Variants in NRG3 observed in about 807,000 individuals in gnomAD.
NRG3 encodes the protein pro-neuregulin-3, membrane-bound isoform.
In NRG3, 31 loss-of-function variants were observed where a neutral mutation model predicts 66.9. The observed-to-expected ratio is 0.46, with a 90% CI of 0.35 to 0.63. The LOEUF is 0.63. Ranked by LOEUF, NRG3 falls within the 20% of genes least tolerant of loss-of-function variation. The probability of loss-of-function intolerance (pLI) is 0.00; values close to 1 mark genes in which losing one functional copy is unlikely to be tolerated. For missense variants in NRG3, 910 were observed against 878.9 expected, an observed-to-expected ratio of 1.04 and a Z score of -0.45; for synonymous variants, 393 against 359.4, an observed-to-expected ratio of 1.09 and a Z score of -1.06.
chr10:82,817,776 T>C (rs1299836166), intron 3 of NRG3, among the ~76,000 whole-genome samples: 1 of 152,250 alleles, frequency 6.6e-6, no homozygotes, highest in East Asian at 1.9e-4. Context: ...AGAGCCTTTC[T>C]CCCTTGCTTC....
chr10:82,532,780 A>G (rs1847421271), intron 2 of NRG3, among the ~76,000 whole-genome samples: 1 of 151,470 alleles, frequency 6.6e-6, no homozygotes, highest in Non-Finnish European at 1.5e-5. Flanking sequence ...GTACTTTTGG[A>G]TAAAATCCCA....
At chr10:82,765,013 A>G (rs1360363726) in intron 3 of NRG3, among the ~76,000 whole-genome samples, 1 of 152,196 alleles carries the variant, frequency 6.6e-6, no homozygotes, top group Non-Finnish European at 1.5e-5. Context: ...CAAATTATCA[A>G]TATTATAAAG....
intron 5 of NRG3, among the ~76,000 whole-genome samples, chr10:82,953,111 A>G (rs376118238): frequency 6.6e-6 from 1 of 151,844 alleles, no homozygotes; most frequent in African/African-American, 2.4e-5. Context: ...CATCCTTACC[A>G]TATGATATTA....
At chr10:81,975,474 A>G (rs1005304204) in intron 1 of NRG3, among the ~76,000 whole-genome samples, 1 of 152,098 alleles carries the variant, frequency 6.6e-6, no homozygotes, top group African/African-American at 2.4e-5. Context: ...TGAGGGTTAG[A>G]GTGCAAGTAA....
At chr10:82,680,598 C>A (rs1262285270) in intron 2 of NRG3, among the ~76,000 whole-genome samples, 2 of 152,150 alleles carry the variant, frequency 1.3e-5, no homozygotes, top group Non-Finnish European at 2.9e-5. Context: ...CTGGACTTTT[C>A]CAGGAAGGAC....
chr10:82,548,639 T>C (rs1013640734), intron 2 of NRG3, among the ~76,000 whole-genome samples: 1 of 150,940 alleles, frequency 6.6e-6, no homozygotes, highest in Non-Finnish European at 1.5e-5. Context: ...CAGAACCAAA[T>C]AGATGTGTTC....
intron 1 of NRG3, among the ~76,000 whole-genome samples, chr10:82,228,432 C>T (rs2076277386): frequency 6.6e-6 from 1 of 152,068 alleles, no homozygotes; most frequent in African/African-American, 2.4e-5. Context: ...GGGAATAAAA[C>T]TTAACCTAGA....
At chr10:81,877,850 A>C in intron 1 of NRG3, 1 of 1,479,928 alleles carries the variant, frequency 6.8e-7, no homozygotes, top group African/African-American at 1.4e-5. Flanking sequence ...GTTTTGTAGA[A>C]GGATAAAGGA....
chr10:82,080,952 G>A (rs1230051156), intron 1 of NRG3, among the ~76,000 whole-genome samples: 1 of 151,962 alleles, frequency 6.6e-6, no homozygotes, highest in Non-Finnish European at 1.5e-5. Context: ...TCTACTTTCT[G>A]TCTCTATGAA....
Position 81,880,486 on chromosome 10 carries a change from G to T in NRG3, c.823+4323G>T, listed in dbSNP as rs117971773. ...AAATTCAGGTTGGGCAACAACAGGA[G>T]TGTTGGTGCAGTTTGAAATCAGTGC... On this transcript the variant is annotated intron_variant, in intron 1 of 8. Coordinates refer to ENST00000372141, the MANE Select transcript of NRG3 (RefSeq NM_001010848.4). Among the ~76,000 whole-genome samples, 357 of 152,336 alleles carry T rather than the reference G, an allele frequency of 2.3e-3. 2 individuals carry two copies. Among genetic ancestry groups the T allele is most frequent in the Admixed American group, 4.8e-3 (73 of 15,304 alleles).
intron 2 of NRG3, among the ~76,000 whole-genome samples, chr10:82,473,298 AC>A: frequency 6.6e-6 from 1 of 152,320 alleles, no homozygotes; most frequent in South Asian, 2.1e-4. Flanking sequence ...TTAGAGGGTG[AC>A]TAGAGTTATA....
At chr10:81,877,989 T>C (rs1841833597) in intron 1 of NRG3, 1 of 1,537,460 alleles carries the variant, frequency 6.5e-7, no homozygotes, top group Non-Finnish European at 8.7e-7. Context: ...CCAACCCTTG[T>C]ATGCGTTGGG....
At chr10:82,105,769 AT>A (rs1346259479) in intron 1 of NRG3, among the ~76,000 whole-genome samples, 3 of 152,236 alleles carry the variant, frequency 2.0e-5, no homozygotes, top group Non-Finnish European at 2.9e-5. Flanking sequence ...AATGATAACA[AT>A]CAAGAACACT....
intron 4 of NRG3, among the ~76,000 whole-genome samples, chr10:82,908,817 A>G (rs1845016917): frequency 6.8e-6 from 1 of 146,150 alleles, no homozygotes; most frequent in Admixed American, 7.1e-5. Flanking sequence ...GTTTGGACAT[A>G]CTCTGGGAAT....
chr10:82,056,677 G>A (rs550384215), intron 1 of NRG3, among the ~76,000 whole-genome samples: 324 of 152,260 alleles, frequency 2.1e-3, no homozygotes, highest in Non-Finnish European at 3.7e-3. Flanking sequence ...TAACAGTCTA[G>A]TTGGGGTTAG....
chr10:82,231,451 A>C (rs2076457388), intron 1 of NRG3, among the ~76,000 whole-genome samples: 1 of 152,168 alleles, frequency 6.6e-6, no homozygotes, highest in Admixed American at 6.5e-5. Context: ...TAACACAAAC[A>C]GGCACAAAAA....
intron 3 of NRG3, among the ~76,000 whole-genome samples, chr10:82,743,688 C>T (rs2058524932): frequency 6.6e-6 from 1 of 151,968 alleles, no homozygotes. Context: ...AAGTGGTGCC[C>T]CTTTGCCATA....
At chr10:82,392,169 A>AC (rs2086418346) in intron 2 of NRG3, among the ~76,000 whole-genome samples, 2 of 152,262 alleles carry the variant, frequency 1.3e-5, no homozygotes, top group South Asian at 4.2e-4. Context: ...AGAATAAGAG[A>AC]TGGCAGCTTT....
At chr10:81,877,696 G>A (rs532284169) in intron 1 of NRG3, 116 of 1,312,506 alleles carry the variant, frequency 8.8e-5, no homozygotes, top group Admixed American at 1.1e-4. Flanking sequence ...ACAGGAAGGA[G>A]GGAAGGAAGG....
Sources: gnomAD v4.1 joint callset for allele counts (sites outside exome capture counted in the v4.1 genomes callset) on GRCh38, gnomAD v4.1.1 for gene constraint, MANE v1.5 for transcripts, NCBI Gene and HGNC (gene_info 2026-07-23, HGNC 2026-07-21) for gene names.